FMNL2: variants seen among roughly 807,000 people sequenced by gnomAD.
The protein encoded by FMNL2 is formin like 2.
A neutral mutation model predicts 130.2 loss-of-function variants in FMNL2; 51 were observed. The ratio of observed to expected loss-of-function variants is 0.39; its 90% confidence interval spans 0.31 to 0.49. The LOEUF (loss-of-function observed/expected upper bound fraction) is 0.49. FMNL2 is among the 20% of genes least tolerant of loss of function. The pLI, the probability that FMNL2 is intolerant of heterozygous loss-of-function variation, is 0.85. For missense variants in FMNL2, 977 were observed against 1,316.2 expected, an observed-to-expected ratio of 0.74 and a Z score of 3.99; for synonymous variants, 465 against 467.1, an observed-to-expected ratio of 1.00 and a Z score of 0.06.
At chr2:152,340,643 C>T (rs555312729) in intron 1 of FMNL2, among the ~76,000 whole-genome samples, 125 of 152,304 alleles carry the variant, frequency 8.2e-4, no homozygotes, top group Non-Finnish European at 1.6e-3. Context: ...GCATATACTC[C>T]AAATGCGAAA....
At chr2:152,542,057 C>A (rs1694340241) in intron 2 of FMNL2, among the ~76,000 whole-genome samples, 2 of 152,118 alleles carry the variant, frequency 1.3e-5, no homozygotes, top group Admixed American at 1.3e-4. Flanking sequence ...TGGGCCCCAC[C>A]TCTGACCTAC....
chr2:152,463,092 C>G (rs1001626535), intron 1 of FMNL2, among the ~76,000 whole-genome samples: 1 of 152,108 alleles, frequency 6.6e-6, no homozygotes, highest in African/African-American at 2.4e-5. Flanking sequence ...CCAGTTAGCA[C>G]GTCGGATTTC....
intron 1 of FMNL2, among the ~76,000 whole-genome samples, chr2:152,343,522 C>T (rs1047138534): frequency 2.0e-5 from 3 of 152,028 alleles, no homozygotes; most frequent in Non-Finnish European, 4.4e-5. Context: ...TCTTGAACTC[C>T]TGACCTCAAG....
intron 1 of FMNL2, among the ~76,000 whole-genome samples, chr2:152,375,897 A>ATATATATAT (rs1553871972): frequency 1.7e-5 from 2 of 119,878 alleles, no homozygotes; most frequent in Non-Finnish European, 3.6e-5. Context: ...ATATATATAT[A>ATATATATAT]ATTATTATTA....
At chr2:152,557,458 C>G (rs1695286298) in intron 4 of FMNL2, among the ~76,000 whole-genome samples, 1 of 152,242 alleles carries the variant, frequency 6.6e-6, no homozygotes, top group Admixed American at 6.5e-5. Context: ...AATCTTTCCA[C>G]TTTCCCACTT....
intron 4 of FMNL2, among the ~76,000 whole-genome samples, chr2:152,551,850 T>C (rs1480738225): frequency 6.6e-6 from 1 of 152,124 alleles, no homozygotes; most frequent in Non-Finnish European, 1.5e-5. Context: ...ACCTTGTGTC[T>C]ACAAAAAAAT....
chr2:152,591,951 A>G (rs1580045914), intron 9 of FMNL2, among the ~76,000 whole-genome samples: 1 of 152,032 alleles, frequency 6.6e-6, no homozygotes, highest in Non-Finnish European at 1.5e-5. Flanking sequence ...AAAATACAAA[A>G]AATAAGCCGG....
intron 1 of FMNL2, among the ~76,000 whole-genome samples, chr2:152,344,167 C>T (rs1294838255): frequency 6.6e-6 from 1 of 152,050 alleles, no homozygotes; most frequent in African/African-American, 2.4e-5. Context: ...AAAACAAAAA[C>T]AAAAACAGAA....
At chr2:152,495,035 G>T (rs1387542985) in intron 1 of FMNL2, among the ~76,000 whole-genome samples, 5 of 152,162 alleles carry the variant, frequency 3.3e-5, no homozygotes, top group Non-Finnish European at 7.3e-5. Flanking sequence ...AAAACTTTGC[G>T]TTGGGGAATA....
chr2:152,366,444 TA>T (rs1006424615), intron 1 of FMNL2, among the ~76,000 whole-genome samples: 11 of 128,398 alleles, frequency 8.6e-5, no homozygotes, highest in African/African-American at 1.8e-4. Flanking sequence ...ATAATAATAA[TA>T]AAAAAATAAA....
chr2:152,594,130 A>T (rs1419218896), intron 9 of FMNL2, among the ~76,000 whole-genome samples: 1 of 152,016 alleles, frequency 6.6e-6, no homozygotes. Flanking sequence ...TTGTGATGTA[A>T]GTTTTTGCTT....
intron 1 of FMNL2, among the ~76,000 whole-genome samples, chr2:152,401,667 A>G (rs1232374789): frequency 6.6e-6 from 1 of 152,088 alleles, no homozygotes; most frequent in Non-Finnish European, 1.5e-5. Flanking sequence ...AGGTCAGTGG[A>G]GGGGAGGCTG....
intron 25 of FMNL2, chr2:152,643,961 G>A (rs774131080): frequency 2.3e-6 from 2 of 880,962 alleles, no homozygotes; most frequent in Non-Finnish European, 2.7e-6. Context: ...TGGATGCAGT[G>A]GCACACGCCT....
chr2:152,486,390 G>A (rs1690830892), intron 1 of FMNL2, among the ~76,000 whole-genome samples: 1 of 152,146 alleles, frequency 6.6e-6, no homozygotes, highest in African/African-American at 2.4e-5. Context: ...TAGACAACTG[G>A]GGACTGGGCT....
At chr2:152,384,476 G>T (rs1209759465) in intron 1 of FMNL2, among the ~76,000 whole-genome samples, 1 of 152,138 alleles carries the variant, frequency 6.6e-6, no homozygotes, top group Non-Finnish European at 1.5e-5. Flanking sequence ...GAACTCAGCT[G>T]GTGGGGAGAT....
chr2:152,523,302 A>T (rs1693205354), intron 2 of FMNL2, among the ~76,000 whole-genome samples: 1 of 152,214 alleles, frequency 6.6e-6, no homozygotes, highest in African/African-American at 2.4e-5. Context: ...GGCTGCTAAG[A>T]TGCTCAGAGA....
At chr2:152,470,348 A>C (rs1256600644) in intron 1 of FMNL2, among the ~76,000 whole-genome samples, 2 of 152,234 alleles carry the variant, frequency 1.3e-5, no homozygotes, top group African/African-American at 4.8e-5. Context: ...GTAATTGCTC[A>C]ATAAATATTA....
intron 1 of FMNL2, among the ~76,000 whole-genome samples, chr2:152,342,084 A>G (rs576030830): frequency 1.8e-4 from 28 of 152,308 alleles, no homozygotes; most frequent in Admixed American, 7.2e-4. Flanking sequence ...AAGAAGAAAA[A>G]GATACGTATG....
intron 1 of FMNL2, among the ~76,000 whole-genome samples, chr2:152,468,707 A>G (rs1689690695): frequency 6.6e-6 from 1 of 152,228 alleles, no homozygotes; most frequent in African/African-American, 2.4e-5. Context: ...TAGCTACTAG[A>G]AAATTTAATT....
Sources: gnomAD v4.1 joint callset for allele counts (sites outside exome capture counted in the v4.1 genomes callset) on GRCh38, gnomAD v4.1.1 for gene constraint, MANE v1.5 for transcripts, NCBI Gene and HGNC (gene_info 2026-07-23, HGNC 2026-07-21) for gene names.